The following SANBR variants were observed in gnomAD, a reference collection of about 807,000 sequenced individuals.
The protein encoded by SANBR is SANT and BTB domain regulator of CSR.
A neutral mutation model predicts 101.8 loss-of-function variants in SANBR; 77 were observed. The ratio of observed to expected loss-of-function variants is 0.76; its 90% CI spans 0.63 to 0.91. The LOEUF is 0.91. SANBR is among the 40% of genes least tolerant of loss of function. The pLI, the probability that SANBR is intolerant of heterozygous loss-of-function variation, is 0.00. For synonymous variants in SANBR, 279 were observed against 274.7 expected (o/e 1.02, Z -0.15); for missense variants, 875 against 853.0 (o/e 1.03, Z -0.32).
In SANBR at chr2:61,104,296, C is replaced by A. The variant is rs562468128; in HGVS notation, c.1511+298C>A. On this transcript the variant is annotated intron_variant, in intron 13 of 21. Coordinates refer to ENST00000402291, the MANE Select transcript of SANBR (RefSeq NM_001129993.3). ...AGGAGATCGAGAGCATCCTGGCTAA[C>A]ACAGTGAAACCCCATCTCTACTAAA... Among the ~76,000 whole-genome samples the A allele has an allele frequency of 1.3e-4, 20 of 152,072 alleles. No homozygotes were observed. The South Asian group carries it at 3.9e-3, about 30-fold the overall frequency.
At chr2:61,114,735 G>C (rs1265552571) in intron 16 of SANBR, among the ~76,000 whole-genome samples, 1 of 152,106 alleles carries the variant, frequency 6.6e-6, no homozygotes, top group Non-Finnish European at 1.5e-5. Flanking sequence ...GCTCACTGCA[G>C]CCTCGACCTC....
chr2:61,134,058 T>C, intron 20 of SANBR: 1 of 1,566,796 alleles, frequency 6.4e-7, no homozygotes, highest in African/African-American at 1.4e-5. Flanking sequence ...TACATCATTT[T>C]GTTTAATCTC....
intron 13 of SANBR, among the ~76,000 whole-genome samples, chr2:61,105,230 G>A (rs1385431569): frequency 6.6e-6 from 1 of 152,028 alleles, no homozygotes; most frequent in Non-Finnish European, 1.5e-5. Context: ...ACCAGGCATG[G>A]TGGCAGGTGC....
chr2:61,107,626 G>A (rs185261812), intron 14 of SANBR, among the ~76,000 whole-genome samples: 2 of 152,196 alleles, frequency 1.3e-5, no homozygotes, highest in East Asian at 1.9e-4. Context: ...CAGTCATGCC[G>A]GGCATGGTGG....
At position 61,070,413 on chromosome 2, in the gene SANBR, C is replaced by T. The variant is rs1405172545; in HGVS notation, c.63C>T (p.Asp21=). 6.2e-7 allele frequency: 1 copy of T among 1,601,310 alleles called. No individual in the cohort carries two copies. The highest frequency in any genetic ancestry group is 2.3e-5 in the East Asian group (1 of 43,764). Residue 21 remains aspartate, a synonymous_variant, in exon 3 of 22, where the codon GAC becomes GAT. Coordinates refer to ENST00000402291, the MANE Select transcript of SANBR (RefSeq NM_001129993.3). ...ACAATAATAACCAAATGGTATTGGA[C>T]ATGATCCTTTATCCATTAATTGGAA... is the stretch of plus-strand genomic sequence containing the variant. ...FLNNNNQMVL[D]MILYPLIGIP...
chr2:61,128,805 T>A (rs544130556), downstream of SANBR, among the ~76,000 whole-genome samples: 206 of 152,150 alleles, frequency 1.4e-3, no homozygotes, highest in African/African-American at 4.6e-3. Flanking sequence ...TACAAATAAA[T>A]TTTTTAAATA....
downstream of SANBR, among the ~76,000 whole-genome samples, chr2:61,125,469 T>C (rs1462912650): frequency 1.3e-5 from 2 of 152,222 alleles, no homozygotes; most frequent in Non-Finnish European, 2.9e-5. Context: ...GTGGCATTTG[T>C]AGAAAGAGCT....
At chr2:61,136,901 C>A (rs895480230) in intron 21 of SANBR, among the ~76,000 whole-genome samples, 1 of 150,666 alleles carries the variant, frequency 6.6e-6, no homozygotes, top group Non-Finnish European at 1.5e-5. Context: ...ACTTGGGAGG[C>A]GAAGGTTGCA....
chr2:61,083,393 C>A, intron 8 of SANBR, 79 bp downstream of exon 8: 1 of 961,616 alleles, frequency 1.0e-6, no homozygotes. Context: ...GTGAAATATT[C>A]TTTCTTTTTT....
At chr2:61,084,041 A>G (rs986186901) in intron 8 of SANBR, among the ~76,000 whole-genome samples, 2 of 151,958 alleles carry the variant, frequency 1.3e-5, no homozygotes, top group African/African-American at 4.8e-5. Context: ...CACAACCTGT[A>G]CCTTCAGGCT....
rs70959893 is a variant in SANBR, at chr2:61,072,821, C to CTT, written c.338-609_338-608dup. Among the ~76,000 whole-genome samples, 13 of 31,658 alleles carry CTT rather than the reference C, an allele frequency of 4.1e-4. 2 individuals are homozygous for CTT. The highest frequency in any genetic ancestry group is 3.6e-3 in the East Asian group (2 of 556). 20.8% of individuals were successfully genotyped at this position (31,658 alleles called of 152,430 possible). ...AGACTCTTGCTTGTCTCTCATGTTACTTTTTTTTTTTTTTTTTTTTTTTTT... is the reference window on the plus strand; with the variant it reads ...AGACTCTTGCTTGTCTCTCATGTTACTTTTTTTTTTTTTTTTTTTTTTTTTTT... On this transcript the variant is annotated intron_variant, in intron 4 of 21. Transcript: ENST00000402291.
chr2:61,121,281 A>G lies in SANBR; in HGVS notation c.2120+5A>G. On this transcript the variant is annotated splice_donor_5th_base_variant and intron_variant, in intron 21 of 21. Coordinates refer to ENST00000402291, the MANE Select transcript of SANBR (RefSeq NM_001129993.3). ...CAGCTCAGAGAAAAACACAAGGTAA[A>G]TCAGCATAAACTAAACCAGAGTGTC... is the stretch of plus-strand genomic sequence containing the variant. 6.5e-7 allele frequency: 1 copy of G among 1,548,876 alleles called. No individual in the cohort carries two copies. Among genetic ancestry groups the G allele is most frequent in the Non-Finnish European group, 8.7e-7 (1 of 1,144,716 alleles).
chr2:61,131,257 CTG>C (rs1317310192), intron 20 of SANBR, among the ~76,000 whole-genome samples: 2 of 152,024 alleles, frequency 1.3e-5, no homozygotes, highest in Non-Finnish European at 2.9e-5. Context: ...AGAAGTAAAA[CTG>C]TATCTATTTA....
intron 5 of SANBR, among the ~76,000 whole-genome samples, chr2:61,074,309 G>A (rs1681642630): frequency 6.6e-6 from 1 of 152,184 alleles, no homozygotes; most frequent in Non-Finnish European, 1.5e-5. Context: ...CTTAAAAGTG[G>A]TTAAAGTGGT....
intron 13 of SANBR, 124 bp downstream of exon 13, chr2:61,104,122 A>AGTTTT: frequency 1.3e-6 from 1 of 792,400 alleles, no homozygotes; most frequent in Non-Finnish European, 2.0e-6. Flanking sequence ...AGAAAACTTA[A>AGTTTT]CTGAAATTAT....
At chr2:61,131,627 C>A (rs1201496847) in intron 20 of SANBR, among the ~76,000 whole-genome samples, 1 of 152,194 alleles carries the variant, frequency 6.6e-6, no homozygotes, top group Non-Finnish European at 1.5e-5. Context: ...TCTACAGATT[C>A]ACCACAGTCT....
At chr2:61,088,766 G>A (rs1264269412) in intron 10 of SANBR, 69 of 621,898 alleles carry the variant, frequency 1.1e-4, no homozygotes, top group Admixed American at 1.2e-4. Flanking sequence ...TGATTTGCCC[G>A]CCTTGGCCTC....
intron 1 of SANBR, among the ~76,000 whole-genome samples, chr2:61,068,172 C>T (rs1465928021): frequency 6.6e-6 from 1 of 152,210 alleles, no homozygotes; most frequent in African/African-American, 2.4e-5. Flanking sequence ...TCTCAGGGCC[C>T]TTCCAAGGTT....
intron 20 of SANBR, chr2:61,134,084 G>A: frequency 6.3e-7 from 1 of 1,594,220 alleles, no homozygotes; most frequent in Non-Finnish European, 8.6e-7. Flanking sequence ...GTGTTTGCCT[G>A]GGTGTGTATA....
Sources: gnomAD v4.1 joint callset for allele counts (sites outside exome capture counted in the v4.1 genomes callset) on GRCh38, gnomAD v4.1.1 for gene constraint, MANE v1.5 for transcripts, NCBI Gene and HGNC (gene_info 2026-07-23, HGNC 2026-07-21) for gene names.